KDM2B: variants seen among roughly 807,000 people sequenced by gnomAD.
KDM2B encodes lysine demethylase 2B.
Under a neutral mutation model 150.0 loss-of-function variants are expected in KDM2B, and 26 were observed. That is an observed-to-expected ratio of 0.17 (90% CI 0.13 to 0.24). KDM2B has a LOEUF of 0.24. Ranked by LOEUF, KDM2B falls within the 10% of genes least tolerant of loss-of-function variation. The probability of loss-of-function intolerance (pLI) is 1.00; values close to 1 mark genes in which losing one functional copy is unlikely to be tolerated. For synonymous variants in KDM2B, 734 were observed against 729.5 expected (o/e 1.01, Z -0.10); for missense variants, 1,265 against 1,816.9 (o/e 0.70, Z 5.52).
Position 121,444,435 on chromosome 12 carries a change from G to A in KDM2B, c.2190+15C>T. 6.2e-7 allele frequency: 1 copy of A among 1,614,016 alleles called. No homozygotes were observed. The highest frequency in any genetic ancestry group is 8.5e-7 in the Non-Finnish European group (1 of 1,179,930). Reference sequence around the variant, plus strand: ...CTCTCCCGACTGACCCTGGGACTTGGAGCCCGGCACTCACTTTCCCGGTCT... The same window carrying A: ...CTCTCCCGACTGACCCTGGGACTTGAAGCCCGGCACTCACTTTCCCGGTCT... On this transcript the variant is annotated intron_variant, in intron 15 of 22. Transcript: ENST00000377071.
chr12:121,414,762 T>C, the KDM2B span, among the ~76,000 whole-genome samples: 2 of 151,350 alleles, frequency 1.3e-5, no homozygotes. Flanking sequence ...AATCTCCGCC[T>C]CCCGAATTCA....
chr12:121,524,258 T>C (rs1214554236), intron 8 of KDM2B, among the ~76,000 whole-genome samples: 1 of 152,120 alleles, frequency 6.6e-6, no homozygotes, highest in Non-Finnish European at 1.5e-5. Context: ...TATAAGCAAT[T>C]GGCATTGGTA....
Position 121,431,295 on chromosome 12 carries a change from CTTTTT to C in KDM2B, c.3830-831_3830-827del, listed in dbSNP as rs71453557. Reference sequence around the variant, plus strand: ...TATAGGCGTGTGCCACCATGTGCAACTTTTTTTTTTTTTTTTTTTTTTTTTTTGTA... The same window carrying C: ...TATAGGCGTGTGCCACCATGTGCAACTTTTTTTTTTTTTTTTTTTTTTGTA... On this transcript the variant is annotated intron_variant, in intron 22 of 22. Coordinates refer to ENST00000377071, the MANE Select transcript of KDM2B (RefSeq NM_032590.5). 2.6e-3 allele frequency among the ~76,000 whole-genome samples: 255 copies of C among 98,954 alleles called. 1 individual carries two copies. Among genetic ancestry groups the C allele is most frequent in the African/African-American group, 0.01 (222 of 21,698 alleles). The allele number at this position is 98,954 out of a possible 152,430, so 64.9% of individuals were successfully genotyped here.
intron 6 of KDM2B, among the ~76,000 whole-genome samples, chr12:121,542,965 C>G (rs1442283509): frequency 6.6e-6 from 1 of 152,218 alleles, no homozygotes; most frequent in East Asian, 1.9e-4. Context: ...TTAACATACT[C>G]CTTGCAAATC....
At chr12:121,527,539 A>T (rs554981373) in intron 8 of KDM2B, among the ~76,000 whole-genome samples, 30 of 150,114 alleles carry the variant, frequency 2.0e-4, no homozygotes, top group Admixed American at 4.0e-4. Flanking sequence ...CTGTAGTCCC[A>T]GCTACTCAGG....
the KDM2B span, chr12:121,420,710 G>T: frequency 1.9e-6 from 3 of 1,614,028 alleles, no homozygotes; most frequent in South Asian, 1.1e-5. Context: ...TCTGGCTGTT[G>T]TGAAAAATGG....
In KDM2B at chr12:121,574,281, C is replaced by T. The variant is rs1021089947; in HGVS notation, c.397+266G>A. 2.9e-5 allele frequency: 11 copies of T among 384,406 alleles called. No homozygotes were observed. The Admixed American group carries it at 2.9e-4, about 10-fold the overall frequency. 23.8% of individuals were successfully genotyped at this position (384,406 alleles called of 1,614,324 possible). A position where few individuals can be genotyped will look rare whatever the true frequency, so the allele number is the denominator to read the frequency against. On this transcript the variant is annotated intron_variant, in intron 4 of 22. Coordinates refer to ENST00000377071, the MANE Select transcript of KDM2B (RefSeq NM_032590.5). ...AATGCAGAAGAGAGATCTCAGATTG[C>T]GTTGCTGACACCCAGGCTGGAGGCA...
Position 121,452,402 on chromosome 12 carries a change from G to A in KDM2B, c.1959+718C>T, listed in dbSNP as rs1173649864. On this transcript the variant is annotated intron_variant, in intron 13 of 22. Coordinates refer to ENST00000377071, the MANE Select transcript of KDM2B (RefSeq NM_032590.5). This position sits in a 1 kb window ranked among gnomAD's most constrained non-coding sequence, Gnocchi z 4.4. Reference sequence around the variant, plus strand: ...AGGAGGAAGGGCTCACCCTATGCCAGGCTGGGCCTGCAGATGAGCGCACCA... The same window carrying A: ...AGGAGGAAGGGCTCACCCTATGCCAAGCTGGGCCTGCAGATGAGCGCACCA... 6.6e-6 allele frequency among the ~76,000 whole-genome samples: 1 copy of A among 152,254 alleles called. No individual in the cohort carries two copies. Among genetic ancestry groups the A allele is most frequent in the Non-Finnish European group, 1.5e-5 (1 of 68,038 alleles).
At chr12:121,433,708 T>C (rs1273197392) in intron 22 of KDM2B, among the ~76,000 whole-genome samples, 13 of 152,166 alleles carry the variant, frequency 8.5e-5, no homozygotes, top group Admixed American at 2.6e-4. Context: ...TTTGCAGAAA[T>C]AGAAAAATCT....
chr12:121,531,380 T>G (rs1031419939), intron 8 of KDM2B, among the ~76,000 whole-genome samples: 13 of 152,200 alleles, frequency 8.5e-5, no homozygotes, highest in Non-Finnish European at 1.9e-4. Flanking sequence ...CAGGAACTGC[T>G]ACTACAACCA....
At chr12:121,531,147 T>G (rs1392550112) in intron 8 of KDM2B, among the ~76,000 whole-genome samples, 2 of 152,096 alleles carry the variant, frequency 1.3e-5, no homozygotes, top group Non-Finnish European at 2.9e-5. Flanking sequence ...GGGTGTCCCC[T>G]ATAAACGCTG....
At chr12:121,431,017 T>G (rs1872905040) in intron 22 of KDM2B, among the ~76,000 whole-genome samples, 1 of 152,158 alleles carries the variant, frequency 6.6e-6, no homozygotes, top group East Asian at 1.9e-4. Flanking sequence ...GGACAGCTGT[T>G]TGGCCCTAAC....
chr12:121,551,344 CTTTTTTTT>C (rs1176650753), intron 4 of KDM2B, among the ~76,000 whole-genome samples: 1 of 130,940 alleles, frequency 7.6e-6, no homozygotes. Flanking sequence ...AGATTCCATT[CTTTTTTTT>C]TTTTTTTTTT....
At chr12:121,552,928 C>T (rs1889616904) in intron 4 of KDM2B, among the ~76,000 whole-genome samples, 1 of 152,112 alleles carries the variant, frequency 6.6e-6, no homozygotes, top group African/African-American at 2.4e-5. Flanking sequence ...TGGCAGAAAC[C>T]CTGCTGTCAG....
At chr12:121,555,561 C>T (rs958288238) in intron 4 of KDM2B, among the ~76,000 whole-genome samples, 2 of 152,120 alleles carry the variant, frequency 1.3e-5, no homozygotes, top group South Asian at 4.2e-4. Flanking sequence ...TTTGTAGGGA[C>T]GGGGTTTCGC....
intron 13 of KDM2B, among the ~76,000 whole-genome samples, chr12:121,448,243 C>A (rs1876610739): frequency 6.8e-6 from 1 of 147,636 alleles, no homozygotes; most frequent in Non-Finnish European, 1.5e-5. Flanking sequence ...CTGCTTGAGC[C>A]CAGGAGGTAG....
In KDM2B at chr12:121,578,889, TCTC is replaced by T; in HGVS notation, c.181_183del (p.Glu61del). 6.2e-7 allele frequency: 1 copy of T among 1,612,884 alleles called. No homozygotes were observed. The highest frequency in any genetic ancestry group is 8.5e-7 in the Non-Finnish European group (1 of 1,179,630). Reference sequence around the variant, plus strand: ...AGGCTGAAGCCGCGGACGCTGACGATCTCCTCCACGTCCGACAAGTCCTCGTTC... The same window carrying T: ...AGGCTGAAGCCGCGGACGCTGACGATCTCCACGTCCGACAAGTCCTCGTTC... On this transcript the variant is annotated inframe_deletion, in exon 2 of 23. Transcript: ENST00000377071.
rs1555288997 is a variant in KDM2B at position 121,443,000 on chromosome 12, T to C, written c.2596A>G (p.Arg866Gly). 2 of 1,613,444 alleles carry C rather than the reference T, an allele frequency of 1.2e-6. No individual in the cohort carries two copies. The highest frequency in any genetic ancestry group is 4.5e-5 in the East Asian group (2 of 44,840). ...LKPGKEDKLF[R>G]KKRRSWKNAE... ...GGAGGGGAAGATGGTACCTTTTTCC[T>C]GAAAAGCTTATCTTCTTTGCCAGGT... Residue 866 changes from arginine (R) to glycine (G), a missense_variant, in exon 18 of 23, where the codon AGG (arginine) becomes GGG (glycine). Physicochemically the swap from Arg to Gly is moderately radical, Grantham distance 125. Coordinates refer to ENST00000377071, the MANE Select transcript of KDM2B (RefSeq NM_032590.5). The surrounding 1 kb of genome is among the most constrained non-coding windows in gnomAD (Gnocchi z 7.7).
intron 12 of KDM2B, among the ~76,000 whole-genome samples, chr12:121,462,538 G>C (rs1438287913): frequency 6.6e-6 from 1 of 151,566 alleles, no homozygotes; most frequent in Non-Finnish European, 1.5e-5. Flanking sequence ...CTGTTGCCTG[G>C]GCTAGAGTGC....
Sources: gnomAD v4.1 joint callset for allele counts (sites outside exome capture counted in the v4.1 genomes callset) on GRCh38, gnomAD v4.1.1 for gene constraint, Gnocchi (gnomAD v3.1) non-coding constraint, MANE v1.5 for transcripts, NCBI Gene and HGNC (gene_info 2026-07-23, HGNC 2026-07-21) for gene names.